EPHA6: variants seen among roughly 807,000 people sequenced by gnomAD.
The protein encoded by EPHA6 is EPH receptor A6, also known as ephrin type-A receptor 6.
Under a neutral mutation model 112.0 loss-of-function variants are expected in EPHA6, and 50 were observed. The ratio of observed to expected loss-of-function variants is 0.45; its 90% confidence interval spans 0.36 to 0.56. The LOEUF (loss-of-function observed/expected upper bound fraction) is 0.56. Ranked by LOEUF, EPHA6 falls within the 20% of genes least tolerant of loss-of-function variation. The probability of loss-of-function intolerance (pLI) is 0.00; values close to 1 mark genes in which losing one functional copy is unlikely to be tolerated. For synonymous variants in EPHA6, 529 were observed against 490.7 expected (o/e 1.08, Z -1.03); for missense variants, 1,280 against 1,417.4 (o/e 0.90, Z 1.56).
chr3:97,441,405 A>G (rs780404350), intron 6 of EPHA6: 40 of 964,184 alleles, frequency 4.1e-5, no homozygotes, highest in African/African-American at 5.3e-5. Flanking sequence ...CATTTTAAAA[A>G]CAAAATACAG....
chr3:97,536,444 A>T (rs149417078), intron 11 of EPHA6, among the ~76,000 whole-genome samples: 1 of 152,330 alleles, frequency 6.6e-6, no homozygotes, highest in East Asian at 1.9e-4. Flanking sequence ...TCCTAAATCC[A>T]GTAAAGAGCA....
chr3:97,061,836 C>T (rs952078112), intron 3 of EPHA6, among the ~76,000 whole-genome samples: 2 of 152,014 alleles, frequency 1.3e-5, no homozygotes, highest in Non-Finnish European at 2.9e-5. Flanking sequence ...TATAGTATGT[C>T]CTGGGTGCTG....
intron 3 of EPHA6, among the ~76,000 whole-genome samples, chr3:96,993,217 T>TA (rs147759505): frequency 1.5e-3 from 232 of 152,264 alleles, no homozygotes; most frequent in Non-Finnish European, 2.7e-3. Flanking sequence ...CACACAGTCG[T>TA]AACTAATGTT....
intron 13 of EPHA6, chr3:97,612,549 A>G: frequency 4.3e-6 from 1 of 234,802 alleles, no homozygotes; most frequent in South Asian, 5.3e-5. Context: ...AATGTTTTAA[A>G]GAAACAATAA....
intron 7 of EPHA6, among the ~76,000 whole-genome samples, chr3:97,462,360 T>G (rs1577478109): frequency 6.6e-6 from 1 of 152,162 alleles, no homozygotes; most frequent in East Asian, 1.9e-4. Flanking sequence ...GTGCCGTGAA[T>G]CAGCTGCTAC....
intron 13 of EPHA6, among the ~76,000 whole-genome samples, chr3:97,629,352 A>G (rs1391593942): frequency 6.6e-6 from 1 of 152,038 alleles, no homozygotes; most frequent in Non-Finnish European, 1.5e-5. Flanking sequence ...GCTTAATGCT[A>G]AATACTATTC....
chr3:97,418,415 G>A (rs896914040), intron 6 of EPHA6, among the ~76,000 whole-genome samples: 11 of 151,948 alleles, frequency 7.2e-5, no homozygotes, highest in Non-Finnish European at 1.5e-4. Flanking sequence ...TATTACAGCT[G>A]CATAGTATAA....
chr3:97,512,512 C>G (rs1175670033), intron 10 of EPHA6, among the ~76,000 whole-genome samples: 2 of 152,118 alleles, frequency 1.3e-5, no homozygotes, highest in East Asian at 1.9e-4. Context: ...TGACAGTCCA[C>G]TAGCTCCTCT....
Position 97,425,794 on chromosome 3 carries a change from C to T in EPHA6, c.1731+20520C>T, listed in dbSNP as rs186706256. ...GTTATGCTCTGCTTCCTCTTGAACA[C>T]TTTACTGCTTAGAAATTTCTTCTAC... On this transcript the variant is annotated intron_variant, in intron 6 of 17. Coordinates refer to ENST00000389672, the MANE Select transcript of EPHA6 (RefSeq NM_001080448.3). Among the ~76,000 whole-genome samples the T allele has an allele frequency of 4.1e-4, 63 of 152,264 alleles. 2 individuals carry two copies. In the South Asian group the frequency reaches 0.011, roughly 27 times the overall value.
At chr3:97,725,137 A>T (rs2034703569) in intron 15 of EPHA6, among the ~76,000 whole-genome samples, 1 of 152,092 alleles carries the variant, frequency 6.6e-6, no homozygotes, top group Non-Finnish European at 1.5e-5. Context: ...TTAGTGCTTC[A>T]CTAGGTGCAT....
chr3:97,143,289 TCATGTA>T (rs2075956943), intron 3 of EPHA6, among the ~76,000 whole-genome samples: 1 of 151,860 alleles, frequency 6.6e-6, no homozygotes, highest in Non-Finnish European at 1.5e-5. Flanking sequence ...TGGGATATAT[TCATGTA>T]ACAAGCCTGT....
intron 2 of EPHA6, among the ~76,000 whole-genome samples, chr3:96,946,509 C>A (rs1367025526): frequency 1.3e-5 from 2 of 152,036 alleles, no homozygotes; most frequent in Non-Finnish European, 2.9e-5. Flanking sequence ...TGAACTCATC[C>A]TTTTTTATGG....
intron 15 of EPHA6, among the ~76,000 whole-genome samples, chr3:97,725,837 G>T (rs1053763953): frequency 2.0e-5 from 3 of 152,034 alleles, no homozygotes; most frequent in Admixed American, 6.6e-5. Context: ...ATCACCCCCA[G>T]TTAAGAGCCA....
At chr3:97,687,667 CAAAA>C (rs1576289203) in intron 14 of EPHA6, among the ~76,000 whole-genome samples, 2 of 152,248 alleles carry the variant, frequency 1.3e-5, no homozygotes, top group East Asian at 3.9e-4. Context: ...TTAATGTAAA[CAAAA>C]CAGATAATTT....
At position 97,371,030 on chromosome 3, in the gene EPHA6, T is replaced by C. The variant is rs79399906; in HGVS notation, c.1607-34120T>C. ...GAGTGGGAGATGAAGAGCCTGGTCC[T>C]ATCTGCACTGAATTTTGCTGTAGCT... On this transcript the variant is annotated intron_variant, in intron 5 of 17. Transcript: ENST00000389672. Among the ~76,000 whole-genome samples, 375 of 152,148 alleles carry C rather than the reference T, an allele frequency of 2.5e-3. 3 individuals carry two copies. The highest frequency in any genetic ancestry group is 8.3e-3 in the African/African-American group (345 of 41,532).
intron 14 of EPHA6, among the ~76,000 whole-genome samples, chr3:97,700,716 A>G (rs532807054): frequency 3.3e-5 from 5 of 152,368 alleles, no homozygotes; most frequent in African/African-American, 1.2e-4. Flanking sequence ...CAGTACACAT[A>G]TAAAATATAT....
intron 5 of EPHA6, among the ~76,000 whole-genome samples, chr3:97,368,533 T>A (rs1158699413): frequency 6.6e-6 from 1 of 152,180 alleles, no homozygotes; most frequent in Non-Finnish European, 1.5e-5. Context: ...AACAACCATA[T>A]ATATGAGTCA....
intron 14 of EPHA6, among the ~76,000 whole-genome samples, chr3:97,666,730 A>G (rs895708068): frequency 1.3e-5 from 2 of 152,190 alleles, no homozygotes; most frequent in Non-Finnish European, 2.9e-5. Flanking sequence ...GGAGGCACTA[A>G]GAGTTAAGGA....
chr3:97,545,095 G>C (rs1244670915), intron 11 of EPHA6, among the ~76,000 whole-genome samples: 1 of 151,870 alleles, frequency 6.6e-6, no homozygotes, highest in East Asian at 1.9e-4. Flanking sequence ...GTTATTTCTT[G>C]CCTTCTGCTA....
Sources: allele counts gnomAD v4.1 joint callset (sites outside exome capture counted in the v4.1 genomes callset), GRCh38; gene constraint gnomAD v4.1.1; transcripts MANE v1.5; gene names NCBI Gene and HGNC (gene_info 2026-07-23, HGNC 2026-07-21).